The following IFT74 variants were observed in gnomAD, a reference collection of about 807,000 sequenced individuals.
IFT74 encodes intraflagellar transport protein 74 homolog.
A neutral mutation model predicts 96.7 loss-of-function variants in IFT74; 92 were observed. The ratio of observed to expected loss-of-function variants is 0.95; its 90% CI spans 0.80 to 1.13. The LOEUF (loss-of-function observed/expected upper bound fraction) is 1.13, where lower values mean the gene tolerates loss of function less well. IFT74 is among the 50% of genes most tolerant of loss of function. IFT74 has a pLI of 0.00. For synonymous variants in IFT74, 223 were observed against 213.2 expected (o/e 1.05, Z -0.40); for missense variants, 811 against 698.2 (o/e 1.16, Z -1.82).
At chr9:26,983,292 A>ATTCC (rs1827467127) in intron 4 of IFT74, among the ~76,000 whole-genome samples, 1 of 152,234 alleles carries the variant, frequency 6.6e-6, no homozygotes, top group Non-Finnish European at 1.5e-5. Flanking sequence ...AAATATAGTT[A>ATTCC]TTCCTAATGA....
At chr9:26,968,083 T>C (rs63316360) in intron 2 of IFT74, among the ~76,000 whole-genome samples, 1 of 143,314 alleles carries the variant, frequency 7.0e-6, no homozygotes, top group African/African-American at 2.6e-5. Flanking sequence ...TTTTTTTTTT[T>C]AATCAGGATA....
chr9:27,057,698 A>C (rs1820228893), intron 18 of IFT74, among the ~76,000 whole-genome samples: 1 of 152,082 alleles, frequency 6.6e-6, no homozygotes, highest in Non-Finnish European at 1.5e-5. Context: ...CTCTACTAAA[A>C]ATACAAAAAA....
At chr9:26,995,945 TTAAAAA>T in intron 8 of IFT74, 1 of 853,680 alleles carries the variant, frequency 1.2e-6, no homozygotes, top group Non-Finnish European at 1.7e-6. Flanking sequence ...AATATTGGTA[TTAAAAA>T]TAAACATACA....
intron 8 of IFT74, among the ~76,000 whole-genome samples, chr9:27,006,475 T>C (rs1020489408): frequency 2.0e-5 from 3 of 152,112 alleles, no homozygotes; most frequent in Admixed American, 6.6e-5. Flanking sequence ...CATGGTGTTG[T>C]GTGCCTTTAG....
intron 10 of IFT74, among the ~76,000 whole-genome samples, chr9:27,012,709 T>TTTTTG (rs1491298087): frequency 0.16 from 5,682 of 34,440 alleles, 422 homozygotes; most frequent in African/African-American, 0.28. Flanking sequence ...AAAATGTCTG[T>TTTTTG]TTTTTTTTTT....
chr9:27,012,365 G>A (rs115131767), intron 10 of IFT74, among the ~76,000 whole-genome samples: 10,371 of 152,160 alleles, frequency 0.068, 452 homozygotes, highest in African/African-American at 0.12. Flanking sequence ...TAGGACTTCA[G>A]GCAGGAACCA....
chr9:26,957,180 T>C (rs772523029), intron 1 of IFT74, among the ~76,000 whole-genome samples: 1 of 152,184 alleles, frequency 6.6e-6, no homozygotes, highest in East Asian at 1.9e-4. Flanking sequence ...CCGAAGTTAG[T>C]GGTATATTTG....
intron 2 of IFT74, among the ~76,000 whole-genome samples, chr9:26,971,147 T>C (rs1028780728): frequency 6.6e-6 from 1 of 152,222 alleles, no homozygotes; most frequent in African/African-American, 2.4e-5. Flanking sequence ...GGAGATAGTC[T>C]CTACACAGTG....
rs142699704 is a variant in IFT74 at position 27,008,986 on chromosome 9, T to A, written c.588-34T>A. 8.1e-4 allele frequency: 1,255 copies of A among 1,558,874 alleles called. 11 individuals carry two copies. In the African/African-American group the frequency reaches 0.015, roughly 19 times the overall value. ...ATAATTGGATATTTTTTCCTCAATA[T>A]AGTATCAGGAATATTACGTGCTTCT... On this transcript the variant is annotated intron_variant, in intron 8 of 19. Coordinates refer to ENST00000380062, the MANE Select transcript of IFT74 (RefSeq NM_025103.4).
chr9:26,989,063 A>G (rs2131550680), intron 7 of IFT74, among the ~76,000 whole-genome samples: 1 of 152,320 alleles, frequency 6.6e-6, no homozygotes, highest in South Asian at 2.1e-4. Context: ...ATGTTGATGA[A>G]TACTCAATGT....
chr9:26,989,531 A>C (rs1827777684), intron 7 of IFT74, among the ~76,000 whole-genome samples: 1 of 152,206 alleles, frequency 6.6e-6, no homozygotes, highest in Non-Finnish European at 1.5e-5. Context: ...TGTTCTATGA[A>C]GACATAGGAT....
intron 13 of IFT74, among the ~76,000 whole-genome samples, chr9:27,034,053 T>C (rs1276871339): frequency 6.6e-6 from 1 of 152,160 alleles, no homozygotes; most frequent in Non-Finnish European, 1.5e-5. Flanking sequence ...ATATACACAG[T>C]AGGATTGACA....
At chr9:26,992,450 T>C (rs376866546) in intron 8 of IFT74, among the ~76,000 whole-genome samples, 9 of 152,150 alleles carry the variant, frequency 5.9e-5, no homozygotes, top group African/African-American at 2.2e-4. Context: ...CCCAGCACTT[T>C]TGGAGGCTGA....
chr9:26,947,298 G>C, intron 1 of IFT74: 2 of 489,366 alleles, frequency 4.1e-6, no homozygotes, highest in Non-Finnish European at 7.2e-6. Context: ...CAGAGTGTGT[G>C]CGTCCCAACC....
chr9:26,995,640 C>G, intron 8 of IFT74: 6 of 1,613,690 alleles, frequency 3.7e-6, no homozygotes, highest in Non-Finnish European at 5.1e-6. Context: ...GAGTTTGTTT[C>G]TGGTATCTGT....
At chr9:27,028,292 C>G (rs76426927) in intron 12 of IFT74, among the ~76,000 whole-genome samples, 1,768 of 152,220 alleles carry the variant, frequency 0.012, 36 homozygotes, top group African/African-American at 0.04. Flanking sequence ...ATTTTTGAGA[C>G]TAATTTTCCA....
At chr9:27,009,951 AT>A (rs1265114048) in intron 9 of IFT74, among the ~76,000 whole-genome samples, 1 of 151,314 alleles carries the variant, frequency 6.6e-6, no homozygotes, top group South Asian at 2.1e-4. Context: ...AACATTTGGC[AT>A]TTTTTTTGTG....
chr9:26,968,890 A>AT (rs60431999), intron 2 of IFT74, among the ~76,000 whole-genome samples: 4 of 150,372 alleles, frequency 2.7e-5, no homozygotes, highest in African/African-American at 4.9e-5. Flanking sequence ...AATCTTTTAT[A>AT]TTTTTTTTGT....
At chr9:26,956,818 C>T (rs1383378746) in intron 1 of IFT74, among the ~76,000 whole-genome samples, 1 of 152,238 alleles carries the variant, frequency 6.6e-6, no homozygotes, top group Non-Finnish European at 1.5e-5. Context: ...CTGCCTCTTA[C>T]AGTGGAAGGG....
Sources: allele counts gnomAD v4.1 joint callset (sites outside exome capture counted in the v4.1 genomes callset), GRCh38; gene constraint gnomAD v4.1.1; transcripts MANE v1.5; gene names NCBI Gene and HGNC (gene_info 2026-07-23, HGNC 2026-07-21).